IER3IP1: variants seen among roughly 807,000 people sequenced by gnomAD.
IER3IP1 encodes the protein immediate early response 3-interacting protein 1.
Under a neutral mutation model 12.2 loss-of-function variants are expected in IER3IP1, and 16 were observed. The ratio of observed to expected loss-of-function variants is 1.31; its 90% CI spans 0.89 to 1.99. IER3IP1 has a LOEUF of 1.99. Ranked by LOEUF, IER3IP1 falls within the 30% of genes most tolerant of loss-of-function variation. IER3IP1 has a pLI of 0.00. For synonymous variants in IER3IP1, 42 were observed against 40.0 expected, an observed-to-expected ratio of 1.05 and a Z score of -0.19; for missense variants, 95 against 95.8, an observed-to-expected ratio of 0.99 and a Z score of 0.03.
intron 1 of IER3IP1, among the ~76,000 whole-genome samples, chr18:47,165,116 A>G (rs1434103539): frequency 1.3e-5 from 2 of 152,214 alleles, no homozygotes; most frequent in African/African-American, 2.4e-5. Flanking sequence ...ATCAATTTCC[A>G]TATCTGTAAA....
intron 1 of IER3IP1, among the ~76,000 whole-genome samples, chr18:47,162,587 T>A (rs1292267555): frequency 6.6e-6 from 1 of 151,404 alleles, no homozygotes; most frequent in Non-Finnish European, 1.5e-5. Flanking sequence ...AAAACAGGGG[T>A]TGAAAGATGA....
chr18:47,176,100 T>C, intron 1 of IER3IP1, 87 bp downstream of exon 1: 1 of 1,076,072 alleles, frequency 9.3e-7, no homozygotes, highest in South Asian at 1.3e-5. Flanking sequence ...GTCCCGGCCC[T>C]TGGTGTCCCC....
At chr18:47,171,057 G>T (rs544540304) in intron 1 of IER3IP1, among the ~76,000 whole-genome samples, 1 of 145,906 alleles carries the variant, frequency 6.9e-6, no homozygotes, top group Non-Finnish European at 1.5e-5. Flanking sequence ...CCCTCCTATT[G>T]TTAGTTTGTT....
intron 2 of IER3IP1, among the ~76,000 whole-genome samples, chr18:47,156,621 A>G (rs1299165700): frequency 1.3e-5 from 2 of 152,224 alleles, no homozygotes; most frequent in Non-Finnish European, 2.9e-5. Flanking sequence ...TACATTAAAA[A>G]TGAACTTATT....
chr18:47,174,861 C>A (rs2064026765), intron 1 of IER3IP1, among the ~76,000 whole-genome samples: 1 of 152,176 alleles, frequency 6.6e-6, no homozygotes, highest in African/African-American at 2.4e-5. Flanking sequence ...TCCAGCTCCT[C>A]CCAACCCTTC....
intron 2 of IER3IP1, chr18:47,156,966 T>C (rs995568163): frequency 1.2e-5 from 2 of 171,766 alleles, no homozygotes; most frequent in Non-Finnish European, 2.5e-5. Flanking sequence ...TAATTTTGTA[T>C]TTTTAGTAGA....
At position 47,155,706 on chromosome 18, in the gene IER3IP1, C is replaced by G. The variant is rs1356622538; in HGVS notation, c.*471G>C. 1.3e-5 allele frequency: 2 copies of G among 152,502 alleles called. No individual in the cohort carries two copies. Among genetic ancestry groups the G allele is most frequent in the East Asian group, 3.8e-4 (2 of 5,208 alleles). The allele number at this position is 152,502 out of a possible 1,614,324, so 9.4% of individuals were successfully genotyped here. On this transcript the variant is annotated 3_prime_UTR_variant, in exon 3 of 3. Transcript: ENST00000256433. The stretch of plus-strand genomic sequence containing the variant: ...CCAAGGAGCTTAAAATAAAATTATT[C>G]AAATTACCTATTTATCATTTTATGT...
chr18:47,156,790 G>GTT (rs34039061), intron 2 of IER3IP1: 2,642 of 102,936 alleles, frequency 0.026, 69 homozygotes, highest in Non-Finnish European at 0.039. Context: ...TTCTTTTCTG[G>GTT]TTTTTTTTTT....
intron 1 of IER3IP1, among the ~76,000 whole-genome samples, chr18:47,168,979 A>G (rs1392691365): frequency 1.3e-5 from 2 of 152,198 alleles, no homozygotes. Flanking sequence ...AAATGGTTTG[A>G]AGTACATTCA....
At chr18:47,162,048 G>A (rs756070445) in intron 1 of IER3IP1, among the ~76,000 whole-genome samples, 3 of 152,092 alleles carry the variant, frequency 2.0e-5, no homozygotes, top group Non-Finnish European at 4.4e-5. Flanking sequence ...GCCATGGGGA[G>A]TGGCTGTAAA....
chr18:47,167,362 G>C (rs2063999433), intron 1 of IER3IP1, among the ~76,000 whole-genome samples: 1 of 152,114 alleles, frequency 6.6e-6, no homozygotes. Flanking sequence ...CCTGTACCAG[G>C]AGTTTTTAAT....
At chr18:47,167,353 CT>C (rs2063999419) in intron 1 of IER3IP1, among the ~76,000 whole-genome samples, 1 of 152,142 alleles carries the variant, frequency 6.6e-6, no homozygotes, top group Non-Finnish European at 1.5e-5. Flanking sequence ...ACCCGGCCCC[CT>C]GTACCAGGAG....
chr18:47,159,270 T>C lies in IER3IP1; in HGVS notation c.92-1733A>G, dbSNP rs187108893. Among the ~76,000 whole-genome samples the C allele has an allele frequency of 1.1e-4, 17 of 152,342 alleles. No homozygotes were observed. In the East Asian group the frequency reaches 2.1e-3, roughly 19 times the overall value. On this transcript the variant is annotated intron_variant, in intron 1 of 2. Transcript: ENST00000256433. ...CAAACAACCTAAGTCTTTTGACAGA[T>C]CAAAAACTACAGTAGGTCACCATTG...
In IER3IP1 at chr18:47,176,314, T is replaced by C. The variant is rs1046440783; in HGVS notation, c.-37A>G. Reference sequence around the variant, plus strand: ...GCCGCCCCGAAGTCCAAGCGATTTCTCTCCCGCCGCCGCAAGGGACGTGGC... The same window carrying C: ...GCCGCCCCGAAGTCCAAGCGATTTCCCTCCCGCCGCCGCAAGGGACGTGGC... On this transcript the variant is annotated 5_prime_UTR_variant, in exon 1 of 3. Transcript: ENST00000256433. 1.2e-5 allele frequency: 18 copies of C among 1,547,678 alleles called. No individual in the cohort carries two copies. The highest frequency in any genetic ancestry group is 8.2e-5 in the African/African-American group (6 of 73,584).
chr18:47,165,824 T>C (rs112861481), intron 1 of IER3IP1, among the ~76,000 whole-genome samples: 2,502 of 152,330 alleles, frequency 0.016, 32 homozygotes, highest in Non-Finnish European at 0.026. Flanking sequence ...AAGAGGGCCC[T>C]CACCAGAACC....
chr18:47,158,589 A>C (rs946908937), intron 1 of IER3IP1, among the ~76,000 whole-genome samples: 2 of 150,956 alleles, frequency 1.3e-5, no homozygotes, highest in African/African-American at 4.9e-5. Flanking sequence ...CGATCGACCC[A>C]CTTTGGCCTC....
At chr18:47,171,042 A>G (rs1395131250) in intron 1 of IER3IP1, among the ~76,000 whole-genome samples, 1 of 151,682 alleles carries the variant, frequency 6.6e-6, no homozygotes, top group Non-Finnish European at 1.5e-5. Flanking sequence ...CAGATTAAGA[A>G]AGTTCCCTCC....
At chr18:47,169,961 G>A (rs1488883449) in intron 1 of IER3IP1, among the ~76,000 whole-genome samples, 1 of 151,746 alleles carries the variant, frequency 6.6e-6, no homozygotes, top group Non-Finnish European at 1.5e-5. Flanking sequence ...TTTTTTCTTT[G>A]GCACTTGTGC....
At chr18:47,156,512 T>TA (rs1304381038) in intron 2 of IER3IP1, among the ~76,000 whole-genome samples, 1 of 152,098 alleles carries the variant, frequency 6.6e-6, no homozygotes, top group Admixed American at 6.5e-5. Flanking sequence ...CCCAAGAACA[T>TA]GAGTGCACTG....
Sources: allele counts gnomAD v4.1 joint callset (sites outside exome capture counted in the v4.1 genomes callset), GRCh38; gene constraint gnomAD v4.1.1; transcripts MANE v1.5; gene names NCBI Gene and HGNC (gene_info 2026-07-23, HGNC 2026-07-21).